PIP4K2A: variants seen among roughly 807,000 people sequenced by gnomAD.
The protein encoded by PIP4K2A is phosphatidylinositol 5-phosphate 4-kinase type-2 alpha.
PIP4K2A carries 14 observed loss-of-function variants against 42.9 expected under a neutral mutation model. The observed-to-expected ratio is 0.33, with a 90% CI of 0.22 to 0.51. PIP4K2A has a LOEUF of 0.51. PIP4K2A is among the 20% of genes least tolerant of loss of function. The pLI is 0.97. For missense variants in PIP4K2A, 434 were observed against 519.8 expected (o/e 0.83, Z 1.61); for synonymous variants, 192 against 192.2 (o/e 1.00, Z 0.01).
At chr10:22,551,851 A>G (rs973483045) in intron 6 of PIP4K2A, among the ~76,000 whole-genome samples, 3 of 152,298 alleles carry the variant, frequency 2.0e-5, no homozygotes, top group Admixed American at 1.3e-4. Context: ...CAGAGCAATG[A>G]AAGAACACTC....
chr10:22,592,969 G>T (rs938323376), intron 3 of PIP4K2A, among the ~76,000 whole-genome samples: 3 of 152,220 alleles, frequency 2.0e-5, no homozygotes, highest in African/African-American at 7.2e-5. Flanking sequence ...CCTTCAGAGG[G>T]GCAGGTGATA....
At chr10:22,558,464 A>G (rs1836606724) in intron 6 of PIP4K2A, among the ~76,000 whole-genome samples, 1 of 152,212 alleles carries the variant, frequency 6.6e-6, no homozygotes, top group African/African-American at 2.4e-5. Flanking sequence ...TTTATAATAA[A>G]ATCAGTTCTG....
intron 1 of PIP4K2A, among the ~76,000 whole-genome samples, chr10:22,706,589 G>A (rs773533737): frequency 2.6e-5 from 4 of 152,170 alleles, no homozygotes; most frequent in South Asian, 2.1e-4. Context: ...TTTATTTTAC[G>A]TCTGTGTCCC....
intron 1 of PIP4K2A, among the ~76,000 whole-genome samples, chr10:22,691,128 G>T (rs1320266218): frequency 6.6e-6 from 1 of 152,174 alleles, no homozygotes; most frequent in Non-Finnish European, 1.5e-5. Flanking sequence ...GTGCCAAACA[G>T]AAGCAAAGGT....
chr10:22,559,843 G>T lies in PIP4K2A; in HGVS notation c.678+8008C>A, dbSNP rs567328857. Among the ~76,000 whole-genome samples, 27 of 152,304 alleles carry T rather than the reference G, an allele frequency of 1.8e-4. 1 individual carries two copies. Among genetic ancestry groups the T allele is most frequent in the African/African-American group, 6.5e-4 (27 of 41,554 alleles). ...TACAGCATGAGGAGCAATGACGCAAGCAAATCCTTTAATTTTACAAACGAG... is the reference window on the plus strand; with the variant it reads ...TACAGCATGAGGAGCAATGACGCAATCAAATCCTTTAATTTTACAAACGAG... On this transcript the variant is annotated intron_variant, in intron 6 of 9. Coordinates refer to ENST00000376573, the MANE Select transcript of PIP4K2A (RefSeq NM_005028.5).
rs527859104 is a variant in PIP4K2A at position 22,626,290 on chromosome 10, A to G, written c.145-16573T>C. 1.8e-4 allele frequency among the ~76,000 whole-genome samples: 28 copies of G among 152,286 alleles called. No individual in the cohort carries two copies. The South Asian group carries it at 5.6e-3, about 30-fold the overall frequency. On this transcript the variant is annotated intron_variant, in intron 1 of 9. Transcript: ENST00000376573. ...AAGAGTAACTTGCTTTTGAGCTCAG[A>G]GCTTTTCTCATATACTGAATTAATC...
At chr10:22,674,486 C>T (rs919799239) in intron 1 of PIP4K2A, among the ~76,000 whole-genome samples, 1 of 151,010 alleles carries the variant, frequency 6.6e-6, no homozygotes, top group East Asian at 1.9e-4. Flanking sequence ...TTCCAGCCAT[C>T]CAGTTACACA....
chr10:22,541,936 C>T lies in PIP4K2A; in HGVS notation c.904G>A (p.Gly302Ser), dbSNP rs2130742369. 5.0e-6 allele frequency: 8 copies of T among 1,613,832 alleles called. No homozygotes were observed. The highest frequency in any genetic ancestry group is 6.8e-6 in the Non-Finnish European group (8 of 1,179,786). The change falls in exon 8 of 10, where the codon GGC becomes AGC. Residue 302 changes from glycine (G) to serine (S), a missense_variant. Around this residue, in one of 2 missense-constraint regions of PIP4K2A, gnomAD observed 395 missense variants for 444.5 expected, o/e 0.89. Transcript: ENST00000376573. ...ACCGGGTGGGTGCCATCGCTCTCGCCCTCCTCCTCCCCATCGTTCTCCTCA... is the reference window on the plus strand; with the variant it reads ...ACCGGGTGGGTGCCATCGCTCTCGCTCTCCTCCTCCCCATCGTTCTCCTCA... ...ECEENDGEEEGESDGTHPVGT... is the reference protein window; with the variant it reads ...ECEENDGEEESESDGTHPVGT...
intron 1 of PIP4K2A, among the ~76,000 whole-genome samples, chr10:22,703,416 AAAAT>A (rs892971185): frequency 6.6e-6 from 1 of 152,192 alleles, no homozygotes; most frequent in Non-Finnish European, 1.5e-5. Flanking sequence ...CTCAAATAAA[AAAAT>A]AAATAAATAA....
chr10:22,597,874 G>T (rs1387182880), intron 3 of PIP4K2A, among the ~76,000 whole-genome samples: 2 of 152,110 alleles, frequency 1.3e-5, no homozygotes, highest in Non-Finnish European at 2.9e-5. Flanking sequence ...CATCTCCAAA[G>T]TAAAATATTC....
chr10:22,623,898 C>T (rs1401798140), intron 1 of PIP4K2A, among the ~76,000 whole-genome samples: 1 of 152,174 alleles, frequency 6.6e-6, no homozygotes, highest in East Asian at 1.9e-4. Flanking sequence ...GGTCAAAGCA[C>T]TGATGATTTC....
intron 1 of PIP4K2A, among the ~76,000 whole-genome samples, chr10:22,703,018 G>A (rs1187925163): frequency 6.6e-6 from 1 of 152,116 alleles, no homozygotes; most frequent in African/African-American, 2.4e-5. Flanking sequence ...GATAGTGGAG[G>A]GGCTCCCTTA....
At chr10:22,677,121 A>G (rs1839574687) in intron 1 of PIP4K2A, among the ~76,000 whole-genome samples, 1 of 152,220 alleles carries the variant, frequency 6.6e-6, no homozygotes, top group African/African-American at 2.4e-5. Context: ...AAAGGAGGTT[A>G]CCATGTACAT....
At chr10:22,606,064 C>T (rs1837899647) in intron 3 of PIP4K2A, among the ~76,000 whole-genome samples, 1 of 150,390 alleles carries the variant, frequency 6.6e-6, no homozygotes, top group African/African-American at 2.4e-5. Flanking sequence ...GCCAGGTGCA[C>T]TGGCTCATGC....
At chr10:22,641,219 G>A (rs970092508) in intron 1 of PIP4K2A, among the ~76,000 whole-genome samples, 3 of 152,076 alleles carry the variant, frequency 2.0e-5, no homozygotes, top group South Asian at 2.1e-4. Context: ...AGAGACTGAG[G>A]CCAAGGTCAT....
intron 3 of PIP4K2A, among the ~76,000 whole-genome samples, chr10:22,607,556 G>A (rs2559526): frequency 0.57 from 86,954 of 151,968 alleles, 26,001 homozygotes; most frequent in East Asian, 0.87. Context: ...TAGCCTCTAC[G>A]AAGATACAAA....
chr10:22,541,829 G>A lies in PIP4K2A; in HGVS notation c.1011C>T (p.Asp337=), dbSNP rs765833928. 6.4e-6 allele frequency: 10 copies of A among 1,568,804 alleles called. No individual in the cohort carries two copies. The Admixed American group carries it at 9.5e-5, about 15-fold the overall frequency. The part of the protein sequence containing the change: ...LAPGEFDPNI[D]VYGIKCHENS... ...TTTCATGGCACTTAATTCCATAGAC[G>A]TCGATGTTCGGATCGAACTCCCCGG... Residue 337 remains aspartate (D), a synonymous_variant, in exon 8 of 10, where the codon GAC becomes GAT. Coordinates refer to ENST00000376573, the MANE Select transcript of PIP4K2A (RefSeq NM_005028.5).
chr10:22,636,739 T>A (rs1838674222), intron 1 of PIP4K2A, among the ~76,000 whole-genome samples: 1 of 152,204 alleles, frequency 6.6e-6, no homozygotes, highest in South Asian at 2.1e-4. Context: ...ATATTAACGG[T>A]CCCCGATGAA....
intron 8 of PIP4K2A, among the ~76,000 whole-genome samples, chr10:22,541,278 C>T (rs138146208): frequency 1.4e-4 from 22 of 152,282 alleles, no homozygotes; most frequent in Non-Finnish European, 2.9e-4. Flanking sequence ...TCTTCACACA[C>T]CCTTCACACC....
Sources: gnomAD v4.1 joint callset for allele counts (sites outside exome capture counted in the v4.1 genomes callset) on GRCh38, gnomAD v4.1.1 for gene constraint, gnomAD v4.1.1 regional missense constraint, MANE v1.5 for transcripts, NCBI Gene and HGNC (gene_info 2026-07-23, HGNC 2026-07-21) for gene names.